Variants in DIAPH2 observed in about 807,000 individuals in gnomAD.
DIAPH2 encodes diaphanous related formin 2, also known as protein diaphanous homolog 2.
Under a neutral mutation model 92.7 loss-of-function variants are expected in DIAPH2, and 35 were observed. That is an observed-to-expected ratio of 0.38 (90% CI 0.29 to 0.50). The LOEUF is 0.50. DIAPH2 is among the 20% of genes least tolerant of loss of function. DIAPH2 has a pLI of 0.94. For missense variants in DIAPH2, 701 were observed against 819.5 expected (o/e 0.86, Z 1.77); for synonymous variants, 301 against 280.4 (o/e 1.07, Z -0.73).
At chrX:97,235,657 T>C (rs1331887410) in intron 22 of DIAPH2, among the ~76,000 whole-genome samples, 3 of 108,133 alleles carry the variant, frequency 2.8e-5, no homozygotes, top group African/African-American at 1.0e-4. Context: ...CTGCTTGAAG[T>C]CTTTCAGCGC....
At chrX:97,579,015 GTTGT>G (rs1185538453) in intron 26 of DIAPH2, among the ~76,000 whole-genome samples, 1 of 97,488 alleles carries the variant, frequency 1.0e-5, no homozygotes, top group Non-Finnish European at 2.1e-5. Flanking sequence ...TTTTGATGGG[GTTGT>G]TTGTTTTTTT....
chrX:97,318,301 G>C (rs779186089), intron 23 of DIAPH2, among the ~76,000 whole-genome samples: 46 of 106,835 alleles, frequency 4.3e-4, no homozygotes, highest in African/African-American at 1.5e-3. Context: ...ACCACACCCG[G>C]CTAATTTTTG....
chrX:97,395,045 G>A (rs767787986), intron 25 of DIAPH2, among the ~76,000 whole-genome samples: 3 of 111,794 alleles, frequency 2.7e-5, no homozygotes, highest in Non-Finnish European at 5.6e-5. Flanking sequence ...GTAAATGAGA[G>A]GATACATGTA....
intron 22 of DIAPH2, among the ~76,000 whole-genome samples, chrX:97,185,181 T>TC (rs1041855508): frequency 1.1e-5 from 1 of 92,210 alleles, no homozygotes; most frequent in African/African-American, 4.0e-5. Context: ...CCGTCACCAA[T>TC]CCCAGCTACT....
intron 26 of DIAPH2, among the ~76,000 whole-genome samples, chrX:97,538,019 G>C (rs1241196660): frequency 9.2e-6 from 1 of 108,726 alleles, no homozygotes; most frequent in Non-Finnish European, 1.9e-5. Context: ...CCAGTAGCTG[G>C]GACTACAGGC....
At chrX:97,267,698 A>G (rs1383416718) in intron 23 of DIAPH2, among the ~76,000 whole-genome samples, 1 of 112,015 alleles carries the variant, frequency 8.9e-6, no homozygotes, top group Admixed American at 9.5e-5. Flanking sequence ...CACTAAGTGG[A>G]ATGGAAAACT....
chrX:97,437,421 G>T (rs1293072127), intron 26 of DIAPH2, among the ~76,000 whole-genome samples: 1 of 111,440 alleles, frequency 9.0e-6, no homozygotes, highest in Non-Finnish European at 1.9e-5. Flanking sequence ...CAGTGCTAGG[G>T]CCTTGGAGTA....
chrX:97,277,679 G>C (rs2068462837), intron 23 of DIAPH2, among the ~76,000 whole-genome samples: 1 of 111,587 alleles, frequency 9.0e-6, no homozygotes, highest in South Asian at 3.8e-4. Flanking sequence ...CCTTCCTACT[G>C]GATTTGGGAG....
At chrX:97,218,759 C>T (rs1018150437) in intron 22 of DIAPH2, among the ~76,000 whole-genome samples, 15 of 111,657 alleles carry the variant, frequency 1.3e-4, no homozygotes, top group Non-Finnish European at 2.3e-4. Context: ...TGTATACTTT[C>T]GACATCTGTA....
At chrX:97,386,780 CTCTT>C (rs962106669) in intron 25 of DIAPH2, among the ~76,000 whole-genome samples, 6 of 106,695 alleles carry the variant, frequency 5.6e-5, no homozygotes, top group African/African-American at 1.4e-4. Flanking sequence ...ATTGTGAGCT[CTCTT>C]TCTTTCTTTT....
chrX:97,428,136 G>C (rs2070089494), intron 25 of DIAPH2, among the ~76,000 whole-genome samples: 2 of 110,678 alleles, frequency 1.8e-5, no homozygotes, highest in South Asian at 7.6e-4. Context: ...ATCCTAGAGA[G>C]TTTATTTTAA....
At chrX:97,515,557 G>A (rs998362885) in intron 26 of DIAPH2, among the ~76,000 whole-genome samples, 4 of 112,170 alleles carry the variant, frequency 3.6e-5, no homozygotes, top group African/African-American at 1.3e-4. Context: ...GTATTCTTAT[G>A]CTTAGGTTTG....
chrX:97,317,500 T>C lies in DIAPH2; in HGVS notation c.2845-30616T>C, dbSNP rs142205081. On this transcript the variant is annotated intron_variant, in intron 23 of 26. Transcript: ENST00000324765. ...TCTTTTGCTTATGATTACCTGATGA[T>C]AATTCAAGTTAAATCATTGAGATAA... 7.0e-3 allele frequency among the ~76,000 whole-genome samples: 781 copies of C among 112,158 alleles called. 8 individuals carry two copies. The highest frequency in any genetic ancestry group is 0.024 in the African/African-American group (751 of 30,970).
At position 96,758,250 on chromosome X, in the gene DIAPH2, G is replaced by C; in HGVS notation, c.439G>C (p.Ala147Pro). 8.3e-7 allele frequency: 1 copy of C among 1,198,890 alleles called. No homozygotes were observed. Among genetic ancestry groups the C allele is most frequent in the Non-Finnish European group, 1.1e-6 (1 of 890,197 alleles). The change falls in exon 4 of 27, where the codon GCC becomes CCC. Residue 147 changes from alanine (A) to proline (P), a missense_variant. Coordinates refer to ENST00000324765, the MANE Select transcript of DIAPH2 (RefSeq NM_006729.5). ...EMVVQYISAT[A>P]KSGGLKNSKH... The stretch of plus-strand genomic sequence containing the variant: ...GGTTGTCCAGTATATTTCTGCCACT[G>C]CCAAATCTGTAAGTAGGGAGATTTT...
At chrX:97,045,198 A>G (rs974686341) in intron 17 of DIAPH2, among the ~76,000 whole-genome samples, 1 of 112,180 alleles carries the variant, frequency 8.9e-6, no homozygotes, top group Non-Finnish European at 1.9e-5. Flanking sequence ...AAAGACTCCT[A>G]ATTATTTGGC....
At chrX:96,929,068 C>G (rs562217266) in intron 9 of DIAPH2, among the ~76,000 whole-genome samples, 1 of 111,462 alleles carries the variant, frequency 9.0e-6, no homozygotes, top group East Asian at 2.8e-4. Context: ...ACAATCCTAA[C>G]AGATGGCAAC....
intron 17 of DIAPH2, among the ~76,000 whole-genome samples, chrX:97,022,226 T>A (rs945528535): frequency 1.2e-4 from 14 of 112,381 alleles, no homozygotes; most frequent in African/African-American, 3.9e-4. Context: ...TATCTAGTTT[T>A]AGGATTATAT....
At chrX:96,753,483 A>G (rs913597120) in intron 3 of DIAPH2, among the ~76,000 whole-genome samples, 4 of 111,873 alleles carry the variant, frequency 3.6e-5, no homozygotes, top group Non-Finnish European at 5.6e-5. Context: ...CCCATGTTAC[A>G]TGAAGATAAG....
chrX:97,452,483 T>C (rs1219060003), intron 26 of DIAPH2, among the ~76,000 whole-genome samples: 1 of 112,000 alleles, frequency 8.9e-6, no homozygotes, highest in Admixed American at 9.5e-5. Context: ...TGAGGTCATC[T>C]AGAGTTTGAC....
Sources: gnomAD v4.1 joint callset for allele counts (sites outside exome capture counted in the v4.1 genomes callset) on GRCh38, gnomAD v4.1.1 for gene constraint, MANE v1.5 for transcripts, NCBI Gene and HGNC (gene_info 2026-07-23, HGNC 2026-07-21) for gene names.